The following ERC1 variants were observed in gnomAD, a reference collection of about 807,000 sequenced individuals.
ERC1 encodes ELKS/RAB6-interacting/CAST family member 1.
In ERC1, 56 loss-of-function variants were observed where a neutral mutation model predicts 132.0. That is an observed-to-expected ratio of 0.42 (90% CI 0.34 to 0.53). The LOEUF (loss-of-function observed/expected upper bound fraction) is 0.53. Among genes scored for constraint, ERC1 ranks in the 20% least tolerant of loss-of-function variants. The pLI is 0.03. For synonymous variants in ERC1, 478 were observed against 476.1 expected (o/e 1.00, Z -0.05); for missense variants, 1,202 against 1,349.9 (o/e 0.89, Z 1.72).
intron 14 of ERC1, among the ~76,000 whole-genome samples, chr12:1,284,927 G>T (rs552997312): frequency 6.6e-6 from 1 of 152,272 alleles, no homozygotes; most frequent in South Asian, 2.1e-4. Context: ...ACCACTCCCA[G>T]CTTCACTGTG....
At chr12:1,375,261 T>C (rs114841594) in intron 16 of ERC1, among the ~76,000 whole-genome samples, 1,585 of 152,296 alleles carry the variant, frequency 0.01, 33 homozygotes, top group African/African-American at 0.036. Context: ...ACATCTTACA[T>C]GGTGGCAGGA....
intron 16 of ERC1, among the ~76,000 whole-genome samples, chr12:1,405,166 AATAAATAAATAAATAT>A (rs2091384325): frequency 7.0e-6 from 1 of 142,816 alleles, no homozygotes; most frequent in African/African-American, 2.7e-5. Context: ...TAAATAAATA[AATAAATAAATAAATAT>A]AAATAAAATA....
chr12:1,296,401 C>CTT lies in ERC1; in HGVS notation c.2780+6417_2780+6418dup, dbSNP rs57458560. On this transcript the variant is annotated intron_variant, in intron 15 of 18. Transcript: ENST00000360905. ...AGAAATGAAACATTTATTGGATAGT[C>CTT]TTTTTTTTTTTTTTTTTTTTTTTTT... Among the ~76,000 whole-genome samples, 643 of 76,224 alleles carry CTT rather than the reference C, an allele frequency of 8.4e-3. 141 individuals carry two copies. Among genetic ancestry groups the CTT allele is most frequent in the South Asian group, 9.4e-3 (17 of 1,816 alleles). 50.0% of individuals were successfully genotyped at this position (76,224 alleles called of 152,430 possible). A position where few individuals can be genotyped will look rare whatever the true frequency, so the allele number is the denominator to read the frequency against.
Position 1,083,536 on chromosome 12 carries a change from A to G in ERC1, c.1042A>G (p.Ser348Gly), listed in dbSNP as rs1942527275. Reference protein sequence around the residue: ...EAEMHVHHLESLLEQKEKENS... With the variant: ...EAEMHVHHLEGLLEQKEKENS... ...AGAGATGCACGTTCATCACCTAGAAAGCCTTTTGGAGCAGAAGGAAAAAGA... is the reference window on the plus strand; with the variant it reads ...AGAGATGCACGTTCATCACCTAGAAGGCCTTTTGGAGCAGAAGGAAAAAGA... The change falls in exon 3 of 19, where the codon AGC becomes GGC. Residue 348 changes from serine (S) to glycine (G), a missense_variant. Transcript: ENST00000360905. The G allele has an allele frequency of 3.1e-6, 5 of 1,610,072 alleles. No individual in the cohort carries two copies. The highest frequency in any genetic ancestry group is 4.2e-6 in the Non-Finnish European group (5 of 1,178,998).
At chr12:1,345,339 C>T (rs1159210078) in intron 15 of ERC1, among the ~76,000 whole-genome samples, 3 of 152,012 alleles carry the variant, frequency 2.0e-5, no homozygotes, top group Non-Finnish European at 4.4e-5. Context: ...CACCACCACA[C>T]CCGGCTAATT....
chr12:1,166,873 T>C (rs1418635966), intron 8 of ERC1, among the ~76,000 whole-genome samples: 1 of 152,236 alleles, frequency 6.6e-6, no homozygotes, highest in Non-Finnish European at 1.5e-5. Context: ...TTTCAAGTGC[T>C]AAGGTGTAAT....
chr12:1,015,493 T>C (rs1279484790), intron 1 of ERC1, among the ~76,000 whole-genome samples: 1 of 152,232 alleles, frequency 6.6e-6, no homozygotes, highest in Non-Finnish European at 1.5e-5. Context: ...GCGGTCTCCT[T>C]GCTGGTACAA....
chr12:1,477,613 T>A (rs919370377), intron 18 of ERC1, among the ~76,000 whole-genome samples: 3 of 152,198 alleles, frequency 2.0e-5, no homozygotes, highest in African/African-American at 7.2e-5. Flanking sequence ...GGGTCCTTGA[T>A]GGGTTTTTTT....
chr12:1,450,069 A>G (rs1033145301), intron 18 of ERC1, among the ~76,000 whole-genome samples: 7 of 152,170 alleles, frequency 4.6e-5, no homozygotes, highest in African/African-American at 1.4e-4. Flanking sequence ...ACTTTATGCT[A>G]TCATTGGCAT....
chr12:1,413,548 C>T (rs749664421), intron 17 of ERC1, among the ~76,000 whole-genome samples: 2 of 151,994 alleles, frequency 1.3e-5, no homozygotes, highest in African/African-American at 2.4e-5. Context: ...GAACCAAGAT[C>T]GCACCACTGC....
At chr12:1,301,743 A>C (rs553811429) in intron 15 of ERC1, among the ~76,000 whole-genome samples, 12 of 152,280 alleles carry the variant, frequency 7.9e-5, no homozygotes, top group African/African-American at 2.9e-4. Context: ...TGAGCGATGA[A>C]ATAGTCTGTA....
intron 16 of ERC1, among the ~76,000 whole-genome samples, chr12:1,399,292 C>A (rs1031453321): frequency 6.6e-6 from 1 of 152,102 alleles, no homozygotes; most frequent in Non-Finnish European, 1.5e-5. Flanking sequence ...TATTTACTTA[C>A]ATGGCTGCAC....
At position 1,127,576 on chromosome 12, in the gene ERC1, C is replaced by T. The variant is rs529432342; in HGVS notation, c.1569+11543C>T. ...TGAGTGCGATGGCGCAGTCTCGGCT[C>T]ACTTTACAGTACTTGTTACAAGTAG... is the stretch of plus-strand genomic sequence containing the variant. On this transcript the variant is annotated intron_variant, in intron 7 of 18. Coordinates refer to ENST00000360905, the MANE Select transcript of ERC1 (RefSeq NM_178040.4). Among the ~76,000 whole-genome samples the T allele has an allele frequency of 3.0e-4, 45 of 151,662 alleles. 1 individual carries two copies. In the South Asian group the frequency reaches 9.0e-3, roughly 30 times the overall value.
At chr12:1,032,197 G>A (rs1454422173) in intron 2 of ERC1, among the ~76,000 whole-genome samples, 2 of 151,934 alleles carry the variant, frequency 1.3e-5, no homozygotes, top group Non-Finnish European at 2.9e-5. Context: ...GATTACAGGT[G>A]CCCCCCACCA....
intron 11 of ERC1, 63 bp from the exon 12 acceptor site, chr12:1,189,796 G>T: frequency 8.0e-7 from 1 of 1,257,044 alleles, no homozygotes; most frequent in Non-Finnish European, 1.1e-6. Context: ...TCATTGTTTG[G>T]GACATGGTTT....
chr12:1,460,307 A>G (rs986968594), intron 18 of ERC1, among the ~76,000 whole-genome samples: 1 of 152,228 alleles, frequency 6.6e-6, no homozygotes, highest in Non-Finnish European at 1.5e-5. Context: ...ATTGAGAGGC[A>G]CAGGAGTATT....
At chr12:1,066,823 C>T (rs1050421662) in intron 2 of ERC1, among the ~76,000 whole-genome samples, 2 of 120,110 alleles carry the variant, frequency 1.7e-5, no homozygotes, top group African/African-American at 3.4e-5. Flanking sequence ...GGCAACAGAG[C>T]GAGACTCTGT....
At chr12:1,026,945 C>T (rs1055898825) in intron 1 of ERC1, among the ~76,000 whole-genome samples, 3 of 152,152 alleles carry the variant, frequency 2.0e-5, no homozygotes, top group African/African-American at 7.2e-5. Flanking sequence ...TAGCAAAATC[C>T]TGTAGAGATT....
At chr12:1,277,201 G>C (rs969022112) in intron 14 of ERC1, among the ~76,000 whole-genome samples, 5 of 152,208 alleles carry the variant, frequency 3.3e-5, no homozygotes, top group African/African-American at 1.2e-4. Context: ...GTGGGAACTA[G>C]CTGAAAGTCT....
Sources: gnomAD v4.1 joint callset for allele counts (sites outside exome capture counted in the v4.1 genomes callset) on GRCh38, gnomAD v4.1.1 for gene constraint, MANE v1.5 for transcripts, NCBI Gene and HGNC (gene_info 2026-07-23, HGNC 2026-07-21) for gene names.